The following PIGN variants were observed in gnomAD, a reference collection of about 807,000 sequenced individuals.
The protein encoded by PIGN is phosphatidylinositol glycan anchor biosynthesis class N, also known as GPI ethanolamine phosphate transferase 1.
Under a neutral mutation model 125.4 loss-of-function variants are expected in PIGN, and 117 were observed. The observed-to-expected ratio is 0.93, with a 90% CI of 0.80 to 1.09. The LOEUF (loss-of-function observed/expected upper bound fraction) is 1.09. Ranked by LOEUF, PIGN falls within the 50% of genes least tolerant of loss-of-function variation. PIGN has a pLI of 0.00. For missense variants in PIGN, 1,075 were observed against 1,094.9 expected (o/e 0.98, Z 0.26); for synonymous variants, 392 against 377.8 (o/e 1.04, Z -0.44).
intron 25 of PIGN, among the ~76,000 whole-genome samples, chr18:62,087,545 T>C (rs1047648711): frequency 7.9e-5 from 12 of 152,136 alleles, no homozygotes; most frequent in Non-Finnish European, 5.9e-5. Flanking sequence ...AAGATGAAAT[T>C]ATAATTTAGG....
At position 62,167,026 on chromosome 18, in the gene PIGN, C is replaced by A. The variant is rs193026484; in HGVS notation, c.-235-3370G>T. On this transcript the variant is annotated intron_variant, in intron 1 of 30. Transcript: ENST00000640252. ...GGCACATGTATACCTACGTAACAAA[C>A]CTGTGCATTCTGCACATGTATCCCA... is the stretch of plus-strand genomic sequence containing the variant. Among the ~76,000 whole-genome samples the A allele has an allele frequency of 4.6e-4, 70 of 152,254 alleles. 1 individual carries two copies. Among genetic ancestry groups the A allele is most frequent in the African/African-American group, 1.6e-3 (68 of 41,550 alleles).
intron 1 of PIGN, among the ~76,000 whole-genome samples, chr18:62,186,523 C>T (rs2038029514): frequency 6.6e-6 from 1 of 152,198 alleles, no homozygotes; most frequent in African/African-American, 2.4e-5. Flanking sequence ...CAGATCCAGG[C>T]AAATGCCAAC....
At chr18:62,119,087 TAAG>T (rs1406374775) in intron 14 of PIGN, among the ~76,000 whole-genome samples, 3 of 152,018 alleles carry the variant, frequency 2.0e-5, no homozygotes, top group Non-Finnish European at 4.4e-5. Flanking sequence ...TACTACACTC[TAAG>T]AACAGAGACA....
chr18:62,083,015 T>A (rs374453806), intron 27 of PIGN, among the ~76,000 whole-genome samples: 9 of 152,162 alleles, frequency 5.9e-5, no homozygotes, highest in African/African-American at 1.9e-4. Context: ...TATTACAAAT[T>A]TTGTTCCATT....
intron 14 of PIGN, among the ~76,000 whole-genome samples, chr18:62,119,054 G>A (rs2035197662): frequency 6.6e-6 from 1 of 151,874 alleles, no homozygotes; most frequent in Non-Finnish European, 1.5e-5. Context: ...GATACTACAA[G>A]GTCTGTATAG....
At chr18:62,116,148 G>C in intron 14 of PIGN, among the ~76,000 whole-genome samples, 1 of 152,154 alleles carries the variant, frequency 6.6e-6, no homozygotes, top group Non-Finnish European at 1.5e-5. Flanking sequence ...ATGTTGCTTT[G>C]ATCCAGTTCT....
intron 30 of PIGN, among the ~76,000 whole-genome samples, chr18:62,050,043 T>C (rs892095226): frequency 1.3e-5 from 2 of 152,058 alleles, no homozygotes; most frequent in Admixed American, 6.5e-5. Context: ...GGCTCTGTTC[T>C]GTTCCATTGA....
chr18:62,115,260 C>T (rs77909239), intron 14 of PIGN, among the ~76,000 whole-genome samples: 10,302 of 152,112 alleles, frequency 0.068, 647 homozygotes, highest in African/African-American at 0.16. Context: ...GAGAAATACT[C>T]CCAAAAAATA....
intron 14 of PIGN, among the ~76,000 whole-genome samples, chr18:62,130,093 T>C (rs976216260): frequency 2.0e-5 from 3 of 152,080 alleles, no homozygotes; most frequent in Admixed American, 6.5e-5. Context: ...CCCCAGAAGC[T>C]AGGTAGAGGC....
chr18:62,110,062 AT>A, intron 16 of PIGN, 89 bp from the exon 17 acceptor site: 1 of 1,245,468 alleles, frequency 8.0e-7, no homozygotes, highest in Non-Finnish European at 1.1e-6. Flanking sequence ...AAGAAAACCT[AT>A]TACTTTCTTT....
chr18:62,156,491 C>T (rs114733544), intron 6 of PIGN, among the ~76,000 whole-genome samples: 2,238 of 152,156 alleles, frequency 0.015, 69 homozygotes, highest in African/African-American at 0.051. Context: ...CCACCACACT[C>T]AGCTAATTTT....
At position 62,020,335 on chromosome 18, in the gene PIGN, A is replaced by G. The variant is rs191165869; in HGVS notation, c.2143-2594T>C. 2.0e-5 allele frequency among the ~76,000 whole-genome samples: 3 copies of G among 152,320 alleles called. No homozygotes were observed. In the East Asian group the frequency reaches 5.8e-4, roughly 29 times the overall value. On this transcript the variant is annotated intron_variant, in intron 23 of 24. Coordinates refer to the PIGN transcript ENST00000639600. ...ATCCAACACTCTAGTACAGAACATAACAAATGTAGACATTCAACTCTGTAG... is the reference window on the plus strand; with the variant it reads ...ATCCAACACTCTAGTACAGAACATAGCAAATGTAGACATTCAACTCTGTAG...
intron 29 of PIGN, among the ~76,000 whole-genome samples, chr18:62,073,879 A>G (rs2033029748): frequency 6.6e-6 from 1 of 152,346 alleles, no homozygotes; most frequent in South Asian, 2.1e-4. Flanking sequence ...GTCATGCCTC[A>G]TAGAAGGTTC....
Position 62,070,437 on chromosome 18 carries a change from G to C in PIGN, c.2672+2236C>G, listed in dbSNP as rs145734802. ...GATTCAAATCCAATCCTGGATCTGA[G>C]AGCATCCACAGTCTATTGGGAGAGG... On this transcript the variant is annotated intron_variant, in intron 30 of 30. Transcript: ENST00000640252. The C allele has an allele frequency of 9.0e-5, 36 of 397,878 alleles. 1 individual carries two copies. Among genetic ancestry groups the C allele is most frequent in the African/African-American group, 5.3e-4 (26 of 48,706 alleles). The allele number at this position is 397,878 out of a possible 1,614,324, so 24.6% of individuals were successfully genotyped here.
chr18:62,020,932 G>C (rs907773679), intron 23 of PIGN, among the ~76,000 whole-genome samples: 4 of 146,384 alleles, frequency 2.7e-5, no homozygotes, highest in Non-Finnish European at 4.4e-5. Flanking sequence ...TTGCACACTA[G>C]CCTGGGCGAC....
Position 62,113,291 on chromosome 18 carries a change from T to C in PIGN, c.1277A>G (p.His426Arg). 6.2e-7 allele frequency: 1 copy of C among 1,611,208 alleles called. No homozygotes were observed. Reference sequence around the variant, plus strand: ...ATAGGACAATCCTTTCAATGCAAGATGAATTAGCTCCTTGCAAAGGGAGAC... The same window carrying C: ...ATAGGACAATCCTTTCAATGCAAGACGAATTAGCTCCTTGCAAAGGGAGAC... ...EVVSLCKELI[H>R]LALKGLSYYH... Residue 426 changes from histidine to arginine, a missense_variant, in exon 16 of 31, where the codon CAT becomes CGT. This residue lies in a region of PIGN where 915 missense variants were observed against 908.7 expected (regional missense o/e 1.01). Transcript: ENST00000640252.
At chr18:62,080,043 T>G (rs534001755) in intron 28 of PIGN, among the ~76,000 whole-genome samples, 2 of 152,208 alleles carry the variant, frequency 1.3e-5, no homozygotes, top group Admixed American at 6.6e-5. Context: ...TATTCAAAAT[T>G]AGAGTCAAAA....
chr18:62,135,468 T>C (rs941267418), intron 14 of PIGN, among the ~76,000 whole-genome samples: 5 of 152,226 alleles, frequency 3.3e-5, no homozygotes, highest in African/African-American at 9.6e-5. Flanking sequence ...TGAATATGTA[T>C]GTGCAGGCAG....
At chr18:62,157,448 A>T (rs891160118) in intron 5 of PIGN, among the ~76,000 whole-genome samples, 1 of 152,224 alleles carries the variant, frequency 6.6e-6, no homozygotes, top group East Asian at 1.9e-4. Context: ...CAAGAGTAAT[A>T]TCTAGGAAAA....
Sources: gnomAD v4.1 joint callset for allele counts (sites outside exome capture counted in the v4.1 genomes callset) on GRCh38, gnomAD v4.1.1 for gene constraint, gnomAD v4.1.1 regional missense constraint, MANE v1.5 for transcripts, NCBI Gene and HGNC (gene_info 2026-07-23, HGNC 2026-07-21) for gene names.